The following GDAP1L1 variants were observed in gnomAD, a reference collection of about 807,000 sequenced individuals.
The protein encoded by GDAP1L1 is ganglioside induced differentiation associated protein 1 like 1.
Under a neutral mutation model 37.1 loss-of-function variants are expected in GDAP1L1, and 21 were observed. That is an observed-to-expected ratio of 0.57 (90% CI 0.40 to 0.81). GDAP1L1 has a LOEUF of 0.81. Ranked by LOEUF, GDAP1L1 falls within the 40% of genes least tolerant of loss-of-function variation. The probability of loss-of-function intolerance (pLI) is 0.00; values close to 1 mark genes in which losing one functional copy is unlikely to be tolerated. For synonymous variants in GDAP1L1, 193 were observed against 209.1 expected (o/e 0.92, Z 0.67); for missense variants, 362 against 491.6 (o/e 0.74, Z 2.49).
At chr20:44,270,460 G>A (rs529313962) in intron 5 of GDAP1L1, among the ~76,000 whole-genome samples, 44 of 152,290 alleles carry the variant, frequency 2.9e-4, no homozygotes, top group Admixed American at 2.1e-3. Context: ...GTGAGCCACC[G>A]CGCCCGGCCT....
In GDAP1L1 at chr20:44,280,045, T is replaced by G. The variant is rs193124418; in HGVS notation, c.*745T>G. 4.3e-5 allele frequency: 14 copies of G among 329,132 alleles called. No individual in the cohort carries two copies. The highest frequency in any genetic ancestry group is 1.1e-3 in the Middle Eastern group (1 of 908). 20.4% of individuals were successfully genotyped at this position (329,132 alleles called of 1,614,324 possible). ...TTTTCTACCCTGTGAGGTGGGACTT[T>G]CAGTAAAAGCCATGTTGACCCTCTC... On this transcript the variant is annotated 3_prime_UTR_variant, in exon 6 of 6. Transcript: ENST00000342560.
At chr20:44,252,572 G>A (rs1372575931) in intron 1 of GDAP1L1, among the ~76,000 whole-genome samples, 1 of 152,178 alleles carries the variant, frequency 6.6e-6, no homozygotes, top group African/African-American at 2.4e-5. Flanking sequence ...CCTGGGAGGC[G>A]GAGGTTGCAG....
In GDAP1L1 at chr20:44,258,605, G is replaced by T; in HGVS notation, c.545G>T (p.Arg182Leu). Residue 182 changes from arginine to leucine, a missense_variant and splice_region_variant, in exon 3 of 6, where the codon CGC becomes CTC. Coordinates refer to ENST00000342560, the MANE Select transcript of GDAP1L1 (RefSeq NM_024034.6). ...MIPKYATAEIRRHLANATTDL... is the reference protein window; with the variant it reads ...MIPKYATAEILRHLANATTDL... Reference sequence around the variant, plus strand: ...CCCAAGTACGCCACGGCCGAGATCCGCAGTGAGTGCCAGGGCGGCGAGACA... The same window carrying T: ...CCCAAGTACGCCACGGCCGAGATCCTCAGTGAGTGCCAGGGCGGCGAGACA... The T allele has an allele frequency of 6.3e-7, 1 of 1,597,482 alleles. No homozygotes were observed. Among genetic ancestry groups the T allele is most frequent in the Non-Finnish European group, 8.5e-7 (1 of 1,172,472 alleles).
intron 4 of GDAP1L1, among the ~76,000 whole-genome samples, chr20:44,263,878 T>A (rs1219372067): frequency 6.6e-6 from 1 of 151,352 alleles, no homozygotes; most frequent in Non-Finnish European, 1.5e-5. Context: ...TATAAATAAA[T>A]AAAAATAAAT....
At chr20:44,257,473 G>C (rs2073580843) in intron 2 of GDAP1L1, 128 bp downstream of exon 2, 3 of 989,380 alleles carry the variant, frequency 3.0e-6, no homozygotes, top group South Asian at 1.7e-5. Context: ...GCAAGGCCCA[G>C]TCTCCCCAAA....
At chr20:44,266,287 G>A (rs1600551619) in intron 5 of GDAP1L1, among the ~76,000 whole-genome samples, 2 of 151,768 alleles carry the variant, frequency 1.3e-5, no homozygotes, top group African/African-American at 2.4e-5. Context: ...CAGCCTGGGG[G>A]ACAGAGAGAG....
chr20:44,272,658 G>T (rs1330963828), intron 5 of GDAP1L1, among the ~76,000 whole-genome samples: 1 of 152,118 alleles, frequency 6.6e-6, no homozygotes. Flanking sequence ...GAGGAGAAGA[G>T]AGGAGAACAG....
In GDAP1L1 at chr20:44,280,095, G is replaced by T; in HGVS notation, c.*795G>T. 1 of 301,346 alleles carries T rather than the reference G, an allele frequency of 3.3e-6. No homozygotes were observed. The highest frequency in any genetic ancestry group is 3.2e-5 in the South Asian group (1 of 31,674). 18.7% of individuals were successfully genotyped at this position (301,346 alleles called of 1,614,324 possible). A position where few individuals can be genotyped will look rare whatever the true frequency, so the allele number is the denominator to read the frequency against. On this transcript the variant is annotated 3_prime_UTR_variant, in exon 6 of 6. Coordinates refer to ENST00000342560, the MANE Select transcript of GDAP1L1 (RefSeq NM_024034.6). ...CTCAGAAGGTCAGTCCAGCCCAAGT[G>T]CAGGGGCGGATCTGGAGGTGGACAA...
intron 5 of GDAP1L1, among the ~76,000 whole-genome samples, 188 bp from the exon 6 acceptor site, chr20:44,278,769 A>G (rs2062610851): frequency 6.6e-6 from 1 of 152,226 alleles, no homozygotes; most frequent in Admixed American, 6.5e-5. Flanking sequence ...AAAACAGTCG[A>G]TTTAAACAAA....
At chr20:44,252,747 C>T (rs1201165475) in intron 1 of GDAP1L1, among the ~76,000 whole-genome samples, 1 of 151,448 alleles carries the variant, frequency 6.6e-6, no homozygotes, top group Non-Finnish European at 1.5e-5. Context: ...CGATTGAATC[C>T]AGGAGATGGA....
intron 5 of GDAP1L1, among the ~76,000 whole-genome samples, chr20:44,274,325 T>C (rs1345553059): frequency 6.6e-6 from 1 of 152,172 alleles, no homozygotes; most frequent in East Asian, 1.9e-4. Flanking sequence ...TCCCAACTTA[T>C]GAAAATGCTC....
chr20:44,269,311 T>C (rs558057576), intron 5 of GDAP1L1, among the ~76,000 whole-genome samples: 2 of 152,156 alleles, frequency 1.3e-5, no homozygotes, highest in South Asian at 4.1e-4. Context: ...GAGTCTTAGA[T>C]GGCAGGAGCA....
intron 5 of GDAP1L1, chr20:44,265,059 T>G: frequency 1.0e-6 from 1 of 985,278 alleles, no homozygotes. Flanking sequence ...TACTGAATAC[T>G]CGGTTGCTCC....
chr20:44,277,674 C>T (rs1271508855), intron 5 of GDAP1L1, among the ~76,000 whole-genome samples: 1 of 150,478 alleles, frequency 6.6e-6, no homozygotes, highest in Non-Finnish European at 1.5e-5. Context: ...TAAGAATAGA[C>T]TCTAGGGGAC....
At chr20:44,264,169 T>C (rs74773228) in intron 4 of GDAP1L1, among the ~76,000 whole-genome samples, 1,626 of 152,244 alleles carry the variant, frequency 0.011, 29 homozygotes, top group African/African-American at 0.037. Flanking sequence ...CAGCTCCTTA[T>C]TGGCTGAGAG....
chr20:44,259,350 T>C (rs2073630405), intron 3 of GDAP1L1, among the ~76,000 whole-genome samples: 1 of 152,148 alleles, frequency 6.6e-6, no homozygotes. Context: ...AGATTCTTAG[T>C]AGATAATAGG....
At position 44,270,973 on chromosome 20, in the gene GDAP1L1, G is replaced by A. The variant is rs543201977; in HGVS notation, c.760+6414G>A. ...TTTGTAGGTGTACTTTAAAACTGTC[G>A]CAGCTGAACCAGGCAAGGTCACGTG... On this transcript the variant is annotated intron_variant, in intron 5 of 5. Coordinates refer to ENST00000342560, the MANE Select transcript of GDAP1L1 (RefSeq NM_024034.6). Among the ~76,000 whole-genome samples the A allele has an allele frequency of 3.9e-5, 6 of 152,242 alleles. No individual in the cohort carries two copies. The East Asian group carries it at 5.8e-4, about 15-fold the overall frequency.
At chr20:44,274,228 C>T (rs891529920) in intron 5 of GDAP1L1, among the ~76,000 whole-genome samples, 3 of 152,140 alleles carry the variant, frequency 2.0e-5, no homozygotes, top group Non-Finnish European at 2.9e-5. Context: ...CCTGTAAGAA[C>T]ACCACATCCG....
intron 1 of GDAP1L1, 106 bp downstream of exon 1, chr20:44,247,620 C>T: frequency 8.8e-7 from 1 of 1,134,786 alleles, no homozygotes; most frequent in Non-Finnish European, 1.2e-6. Context: ...AGGGGGGAAC[C>T]TGGGGTTTGG....
Sources: gnomAD v4.1 joint callset for allele counts (sites outside exome capture counted in the v4.1 genomes callset) on GRCh38, gnomAD v4.1.1 for gene constraint, MANE v1.5 for transcripts, NCBI Gene and HGNC (gene_info 2026-07-23, HGNC 2026-07-21) for gene names.